Variants in PLAGL1 observed in about 807,000 individuals in gnomAD.
PLAGL1 encodes the protein zinc finger protein PLAGL1.
In PLAGL1, 1 loss-of-function variant was observed where a neutral mutation model predicts 4.6. The observed-to-expected ratio is 0.22, with a 90% CI of 0.08 to 1.03. The LOEUF (loss-of-function observed/expected upper bound fraction) is 1.03. PLAGL1 is among the 50% of genes least tolerant of loss of function. The pLI is 0.58. For missense variants in PLAGL1, 464 were observed against 570.4 expected (o/e 0.81, Z 1.90); for synonymous variants, 240 against 237.8 (o/e 1.01, Z -0.08).
intron 2 of PLAGL1, among the ~76,000 whole-genome samples, chr6:143,969,766 C>G (rs1785078077): frequency 6.6e-6 from 1 of 150,956 alleles, no homozygotes; most frequent in South Asian, 2.1e-4. Context: ...CACTAAAAGG[C>G]AAAATATGGG....
intron 1 of PLAGL1, among the ~76,000 whole-genome samples, chr6:144,026,080 C>G (rs1796321177): frequency 6.6e-6 from 1 of 152,128 alleles, no homozygotes; most frequent in Non-Finnish European, 1.5e-5. Context: ...CCAACCCATT[C>G]ATTCATATAT....
chr6:143,976,282 TTTC>T (rs1726340484), intron 2 of PLAGL1, among the ~76,000 whole-genome samples: 2 of 109,524 alleles, frequency 1.8e-5, no homozygotes, highest in Admixed American at 8.7e-5. Context: ...TGAGATTTCT[TTTC>T]TTTTTTTTTT....
rs999593362 is a variant in PLAGL1, at chr6:144,053,387, G to A, written c.-151+11081C>T. Among the ~76,000 whole-genome samples the A allele has an allele frequency of 1.3e-5, 2 of 152,122 alleles. No individual in the cohort carries two copies. Among genetic ancestry groups the A allele is most frequent in the Non-Finnish European group, 2.9e-5 (2 of 68,028 alleles). On this transcript the variant is annotated intron_variant, in intron 1 of 3. Coordinates refer to the PLAGL1 transcript ENST00000437412. The surrounding 1 kb of genome is among the most constrained non-coding windows in gnomAD (Gnocchi z 4.0). Reference sequence around the variant, plus strand: ...TGACCTCAGGTGATCAGCCACGATGGCCTCCCAAATTGCTGGTGTTACAGG... The same window carrying A: ...TGACCTCAGGTGATCAGCCACGATGACCTCCCAAATTGCTGGTGTTACAGG...
intron 1 of PLAGL1, among the ~76,000 whole-genome samples, chr6:144,044,959 T>C (rs2128720027): frequency 6.6e-6 from 1 of 151,034 alleles, no homozygotes; most frequent in East Asian, 1.9e-4. Context: ...TCTTTGTTGG[T>C]TTAAAGTCTG....
intron 7 of PLAGL1, among the ~76,000 whole-genome samples, chr6:143,946,644 A>ATTCT (rs1206915509): frequency 5.9e-5 from 9 of 152,206 alleles, no homozygotes; most frequent in African/African-American, 2.2e-4. Context: ...CATCTTTTCA[A>ATTCT]TTCTTTCAAG....
In PLAGL1 at chr6:143,961,894, C is replaced by T. The variant is rs1363790047; in HGVS notation, c.-398-1352G>A. Among the ~76,000 whole-genome samples the T allele has an allele frequency of 6.6e-6, 1 of 152,222 alleles. No individual in the cohort carries two copies. Among genetic ancestry groups the T allele is most frequent in the East Asian group, 1.9e-4 (1 of 5,202 alleles). ...GCTTCCCAGGAAAGGGTGCACATAA[C>T]GTGAGGTACGCAAACCAGGCAGTGA... On this transcript the variant is annotated intron_variant, in intron 5 of 7. Coordinates refer to ENST00000674357, the MANE Select transcript of PLAGL1 (RefSeq NM_001317162.2). The surrounding 1 kb of genome is among the most constrained non-coding windows in gnomAD (Gnocchi z 6.5).
intron 1 of PLAGL1, among the ~76,000 whole-genome samples, chr6:143,996,068 C>T (rs980057567): frequency 2.0e-5 from 3 of 152,248 alleles, no homozygotes; most frequent in South Asian, 4.1e-4. Flanking sequence ...TGAGCCACAT[C>T]GTGCTTTAAA....
In PLAGL1 at chr6:143,973,083, C is replaced by A. The variant is rs1218509745; in HGVS notation, c.-543-4105G>T. On this transcript the variant is annotated intron_variant, in intron 2 of 7. Coordinates refer to ENST00000674357, the MANE Select transcript of PLAGL1 (RefSeq NM_001317162.2). The surrounding 1 kb of genome is among the most constrained non-coding windows in gnomAD (Gnocchi z 6.2). Reference sequence around the variant, plus strand: ...CTGTGCCTGGTTTTCACAAGAAGGTCCATTCCACCCCATGTGCTCCTTTTC... The same window carrying A: ...CTGTGCCTGGTTTTCACAAGAAGGTACATTCCACCCCATGTGCTCCTTTTC... Among the ~76,000 whole-genome samples the A allele has an allele frequency of 1.3e-5, 2 of 152,186 alleles. No individual in the cohort carries two copies. Among genetic ancestry groups the A allele is most frequent in the African/African-American group, 4.8e-5 (2 of 41,436 alleles).
At position 143,990,346 on chromosome 6, in the gene PLAGL1, C is replaced by T. The variant is rs1319730073; in HGVS notation, c.-583-5172G>A. 6.6e-6 allele frequency among the ~76,000 whole-genome samples: 1 copy of T among 152,112 alleles called. No individual in the cohort carries two copies. Among genetic ancestry groups the T allele is most frequent in the African/African-American group, 2.4e-5 (1 of 41,432 alleles). On this transcript the variant is annotated intron_variant, in intron 1 of 7. Transcript: ENST00000674357. The surrounding 1 kb of genome is among the most constrained non-coding windows in gnomAD (Gnocchi z 5.4). ...ATGTTGGCCAGGATGGTCTCCATCC[C>T]CTGACCTCGGGATCCGCCCGCCTTG...
At position 143,947,816 on chromosome 6, in the gene PLAGL1, C is replaced by T. The variant is rs545981695; in HGVS notation, c.152+169G>A. Among the ~76,000 whole-genome samples the T allele has an allele frequency of 3.5e-4, 53 of 152,342 alleles. No homozygotes were observed. The highest frequency in any genetic ancestry group is 4.9e-4 in the Non-Finnish European group (33 of 68,034). On this transcript the variant is annotated intron_variant, in intron 7 of 7. Transcript: ENST00000674357. The surrounding 1 kb of genome is among the most constrained non-coding windows in gnomAD (Gnocchi z 4.3). The stretch of plus-strand genomic sequence containing the variant: ...AATGAACTGACACTGCACAACAAGA[C>T]GGTCACATAAAACCACAGGAATCAC...
rs894944516 is a variant in PLAGL1 at position 143,964,803 on chromosome 6, A to C, written c.-415T>G. On this transcript the variant is annotated 5_prime_UTR_variant, in exon 5 of 8. Transcript: ENST00000674357. This position sits in a 1 kb window ranked among gnomAD's most constrained non-coding sequence, Gnocchi z 4.3. ...TATACTCACAAGATTAACTCCTCTG[A>C]TTCCTATGCAAATACCTAGAAAGGG... 6.6e-6 allele frequency: 1 copy of C among 152,242 alleles called. No individual in the cohort carries two copies. Among genetic ancestry groups the C allele is most frequent in the African/African-American group, 2.4e-5 (1 of 41,452 alleles). The allele number at this position is 152,242 out of a possible 1,614,324, so 9.4% of individuals were successfully genotyped here.
rs6570596 is a variant in PLAGL1 at position 143,945,578 on chromosome 6, T to C, written c.152+2407A>G. On this transcript the variant is annotated intron_variant, in intron 7 of 7. Coordinates refer to ENST00000674357, the MANE Select transcript of PLAGL1 (RefSeq NM_001317162.2). The surrounding 1 kb of genome is among the most constrained non-coding windows in gnomAD (Gnocchi z 4.2). ...GCAACCTCTGCCTCCCGGGTTCAAGTGATCCTCCTACCTCAGCCTCCCGAG... is the reference window on the plus strand; with the variant it reads ...GCAACCTCTGCCTCCCGGGTTCAAGCGATCCTCCTACCTCAGCCTCCCGAG... Among the ~76,000 whole-genome samples the C allele has an allele frequency of 0.89, 135,338 of 152,136 alleles. 60,441 individuals are homozygous for C. The highest frequency in any genetic ancestry group is 1 in the East Asian group (5,157 of 5,168).
intron 1 of PLAGL1, among the ~76,000 whole-genome samples, chr6:144,044,791 A>G (rs1265319695): frequency 2.0e-5 from 3 of 152,040 alleles, no homozygotes; most frequent in African/African-American, 4.8e-5. Flanking sequence ...TCCCATCATT[A>G]TTGTGTGGGA....
Position 144,004,329 on chromosome 6 carries a change from G to C in PLAGL1, c.-584+3761C>G, listed in dbSNP as rs1475120332. Among the ~76,000 whole-genome samples, 1 of 152,178 alleles carries C rather than the reference G, an allele frequency of 6.6e-6. No individual in the cohort carries two copies. The highest frequency in any genetic ancestry group is 1.9e-4 in the East Asian group (1 of 5,204). On this transcript the variant is annotated intron_variant, in intron 1 of 7. Coordinates refer to ENST00000674357, the MANE Select transcript of PLAGL1 (RefSeq NM_001317162.2). The surrounding 1 kb of genome is among the most constrained non-coding windows in gnomAD (Gnocchi z 4.2). ...CTTGACTGGCTGGAATTATAGACAG[G>C]AGCCATGGAACACAGCCCAATAAAA...
rs1008878814 is a variant in PLAGL1, at chr6:143,958,232, C to G, written c.-325+2237G>C. Among the ~76,000 whole-genome samples the G allele has an allele frequency of 6.6e-6, 1 of 152,214 alleles. No individual in the cohort carries two copies. Among genetic ancestry groups the G allele is most frequent in the Non-Finnish European group, 1.5e-5 (1 of 68,042 alleles). On this transcript the variant is annotated intron_variant, in intron 6 of 7. Coordinates refer to ENST00000674357, the MANE Select transcript of PLAGL1 (RefSeq NM_001317162.2). The surrounding 1 kb of genome is among the most constrained non-coding windows in gnomAD (Gnocchi z 5.1). ...GAGAGGAAAAAGTTACATATAATCA[C>G]TTATCCCTCCCCCATGGGTAACTCA...
chr6:144,028,464 A>C (rs1414692065), intron 1 of PLAGL1, among the ~76,000 whole-genome samples: 1 of 152,176 alleles, frequency 6.6e-6, no homozygotes, highest in Non-Finnish European at 1.5e-5. Flanking sequence ...ATGTGGTGGG[A>C]GGGGAGCAGG....
Position 143,948,801 on chromosome 6 carries a change from C to A in PLAGL1, c.-324-341G>T, listed in dbSNP as rs1423654124. Among the ~76,000 whole-genome samples the A allele has an allele frequency of 1.3e-4, 18 of 142,222 alleles. No individual in the cohort carries two copies. Among genetic ancestry groups the A allele is most frequent in the Non-Finnish European group, 2.5e-4 (16 of 65,158 alleles). 93.3% of individuals were successfully genotyped at this position (142,222 alleles called of 152,430 possible). A position where few individuals can be genotyped will look rare whatever the true frequency, so the allele number is the denominator to read the frequency against. ...CAACAACAACAACAACAAACAAAAA[C>A]CTCCCTCCCTCAGTGTGTTCAAGTG... On this transcript the variant is annotated intron_variant, in intron 6 of 7. Coordinates refer to ENST00000674357, the MANE Select transcript of PLAGL1 (RefSeq NM_001317162.2). The surrounding 1 kb of genome is among the most constrained non-coding windows in gnomAD (Gnocchi z 6.0).
intron 1 of PLAGL1, among the ~76,000 whole-genome samples, chr6:144,019,287 C>T (rs1795794814): frequency 6.6e-6 from 1 of 152,138 alleles, no homozygotes; most frequent in African/African-American, 2.4e-5. Context: ...GCCTGGCCAA[C>T]ATGGTGAAAC....
intron 1 of PLAGL1, among the ~76,000 whole-genome samples, chr6:143,991,668 G>T (rs1472211196): frequency 6.6e-6 from 1 of 152,160 alleles, no homozygotes; most frequent in Non-Finnish European, 1.5e-5. Flanking sequence ...AAGGCCTAAG[G>T]GGAAGGTGCC....
Sources: allele counts gnomAD v4.1 joint callset (sites outside exome capture counted in the v4.1 genomes callset), GRCh38; gene constraint gnomAD v4.1.1; non-coding constraint Gnocchi (gnomAD v3.1); transcripts MANE v1.5; gene names NCBI Gene and HGNC (gene_info 2026-07-23, HGNC 2026-07-21).